The following IQCM variants were observed in gnomAD, a reference collection of about 807,000 sequenced individuals.
The protein encoded by IQCM is IQ motif containing M.
In IQCM, 45 loss-of-function variants were observed where a neutral mutation model predicts 57.6. The ratio of observed to expected loss-of-function variants is 0.78; its 90% confidence interval spans 0.62 to 1.00. The LOEUF is 1.00. Ranked by LOEUF, IQCM falls within the 50% of genes least tolerant of loss-of-function variation. The probability of loss-of-function intolerance (pLI) is 0.00; values close to 1 mark genes in which losing one functional copy is unlikely to be tolerated. For synonymous variants in IQCM, 148 were observed against 158.9 expected, an observed-to-expected ratio of 0.93 and a Z score of 0.51; for missense variants, 468 against 511.6, an observed-to-expected ratio of 0.91 and a Z score of 0.82.
chr4:149,796,326 C>T (rs1186350784), intron 2 of IQCM, among the ~76,000 whole-genome samples: 1 of 152,146 alleles, frequency 6.6e-6, no homozygotes, highest in African/African-American at 2.4e-5. Context: ...GGCTCCTCTC[C>T]CTTCGGAAAG....
chr4:149,438,560 A>G (rs981086765), intron 12 of IQCM, among the ~76,000 whole-genome samples: 1 of 152,082 alleles, frequency 6.6e-6, no homozygotes, highest in African/African-American at 2.4e-5. Context: ...TTGATTTGAA[A>G]TAAGTGATGT....
chr4:149,539,283 G>GA lies in IQCM; in HGVS notation c.1228+9171dup, dbSNP rs1747609540. ...ATGGATGAACTTCAAAAATATTGTT[G>GA]AAAAAAGCCAGTCATAGTAGACTAC... On this transcript the variant is annotated intron_variant, in intron 12 of 13. Transcript: ENST00000636793. Among the ~76,000 whole-genome samples the GA allele has an allele frequency of 3.9e-5, 6 of 152,120 alleles. No homozygotes were observed. The South Asian group carries it at 1.2e-3, about 32-fold the overall frequency.
intron 12 of IQCM, among the ~76,000 whole-genome samples, chr4:149,448,129 A>G (rs1453790473): frequency 2.0e-5 from 3 of 151,672 alleles, no homozygotes; most frequent in Admixed American, 1.3e-4. Context: ...ATTTTGCATT[A>G]AAAACTCTCA....
intron 12 of IQCM, among the ~76,000 whole-genome samples, chr4:149,525,025 C>G (rs1013148012): frequency 1.3e-5 from 2 of 151,704 alleles, no homozygotes; most frequent in African/African-American, 4.8e-5. Context: ...AATGATTTTC[C>G]TTTCAAAGAA....
intron 12 of IQCM, among the ~76,000 whole-genome samples, chr4:149,506,121 G>C (rs1743787329): frequency 6.6e-6 from 1 of 152,070 alleles, no homozygotes; most frequent in Non-Finnish European, 1.5e-5. Context: ...CTAGTGGAGT[G>C]GATGCTGCCC....
intron 7 of IQCM, among the ~76,000 whole-genome samples, chr4:149,642,532 T>A (rs1758284971): frequency 6.6e-6 from 1 of 152,144 alleles, no homozygotes; most frequent in South Asian, 2.1e-4. Flanking sequence ...TAAGAGATAT[T>A]CTGTGATCCC....
intron 12 of IQCM, among the ~76,000 whole-genome samples, chr4:149,510,888 C>T (rs2149809362): frequency 6.6e-6 from 1 of 152,274 alleles, no homozygotes; most frequent in African/African-American, 2.4e-5. Flanking sequence ...ATCATTTAGC[C>T]AGGTTTCTCC....
intron 6 of IQCM, among the ~76,000 whole-genome samples, chr4:149,682,976 C>A (rs1762290057): frequency 6.6e-6 from 1 of 151,132 alleles, no homozygotes; most frequent in Non-Finnish European, 1.5e-5. Context: ...GAATATATTT[C>A]ATTCCTTTTC....
chr4:149,489,062 G>A (rs1029678498), intron 12 of IQCM, among the ~76,000 whole-genome samples: 2 of 152,046 alleles, frequency 1.3e-5, no homozygotes, highest in African/African-American at 2.4e-5. Context: ...CATTTGGAAC[G>A]GAGATCTAAT....
rs540951112 is a variant in IQCM at position 149,656,005 on chromosome 4, G to A, written c.565+26113C>T. On this transcript the variant is annotated intron_variant, in intron 7 of 13. Coordinates refer to ENST00000636793, the MANE Select transcript of IQCM (RefSeq NM_001363507.2). The stretch of plus-strand genomic sequence containing the variant: ...ATACACAAAGCAACATTATAAAATG[G>A]AACATACAAAGGCATGGAATCACAA... Among the ~76,000 whole-genome samples, 125 of 152,034 alleles carry A rather than the reference G, an allele frequency of 8.2e-4. 1 individual carries two copies. Among genetic ancestry groups the A allele is most frequent in the Non-Finnish European group, 1.6e-3 (111 of 68,000 alleles).
chr4:149,557,969 C>T (rs1490284534), intron 10 of IQCM, among the ~76,000 whole-genome samples: 1 of 152,182 alleles, frequency 6.6e-6, no homozygotes, highest in Non-Finnish European at 1.5e-5. Flanking sequence ...ACTGCATGAA[C>T]TTACTGTTAC....
intron 2 of IQCM, among the ~76,000 whole-genome samples, chr4:149,759,391 T>G (rs1364296526): frequency 6.6e-6 from 1 of 152,150 alleles, no homozygotes; most frequent in Non-Finnish European, 1.5e-5. Context: ...TGAACCCTCA[T>G]GTAAACTATG....
chr4:149,750,240 C>T (rs1337482284), intron 2 of IQCM, among the ~76,000 whole-genome samples: 1 of 152,160 alleles, frequency 6.6e-6, no homozygotes, highest in Non-Finnish European at 1.5e-5. Flanking sequence ...GAAACACACA[C>T]ACACTCTCCA....
At chr4:149,427,696 T>G (rs978238434) in intron 13 of IQCM, among the ~76,000 whole-genome samples, 5 of 151,956 alleles carry the variant, frequency 3.3e-5, no homozygotes, top group Non-Finnish European at 7.4e-5. Flanking sequence ...TAGCAAGTGT[T>G]GAAAGTTTGA....
intron 9 of IQCM, among the ~76,000 whole-genome samples, chr4:149,580,082 A>G (rs1752032596): frequency 6.6e-6 from 1 of 151,898 alleles, no homozygotes; most frequent in African/African-American, 2.4e-5. Flanking sequence ...CGATTCTACT[A>G]TGCTCAAAAA....
chr4:149,468,047 A>C (rs1739056630), intron 12 of IQCM, among the ~76,000 whole-genome samples: 1 of 152,218 alleles, frequency 6.6e-6, no homozygotes, highest in African/African-American at 2.4e-5. Context: ...GAATAGGAAC[A>C]GCTCCAGTCT....
At chr4:149,549,479 C>G (rs1379152154) in intron 11 of IQCM, among the ~76,000 whole-genome samples, 1 of 152,104 alleles carries the variant, frequency 6.6e-6, no homozygotes, top group African/African-American at 2.4e-5. Context: ...GATCCCGCCA[C>G]TGCACTCCAG....
At chr4:149,393,659 C>G (rs368442613) in intron 13 of IQCM, among the ~76,000 whole-genome samples, 1 of 151,790 alleles carries the variant, frequency 6.6e-6, no homozygotes, top group African/African-American at 2.4e-5. Context: ...AATATAGTTA[C>G]AACAAAAACG....
chr4:149,446,599 T>A (rs56198519), intron 12 of IQCM, among the ~76,000 whole-genome samples: 1 of 151,624 alleles, frequency 6.6e-6, no homozygotes, highest in African/African-American at 2.4e-5. Flanking sequence ...TGGAAGCAGT[T>A]GAGGGAAATA....
Sources: gnomAD v4.1 joint callset for allele counts (sites outside exome capture counted in the v4.1 genomes callset) on GRCh38, gnomAD v4.1.1 for gene constraint, MANE v1.5 for transcripts, NCBI Gene and HGNC (gene_info 2026-07-23, HGNC 2026-07-21) for gene names.